USP53: variants seen among roughly 807,000 people sequenced by gnomAD.
The protein encoded by USP53 is ubiquitin carboxyl-terminal hydrolase 53.
USP53 carries 71 observed loss-of-function variants against 94.9 expected under a neutral mutation model. The ratio of observed to expected loss-of-function variants is 0.75; its 90% CI spans 0.62 to 0.91. USP53 has a LOEUF of 0.91. Among genes scored for constraint, USP53 ranks in the 40% least tolerant of loss-of-function variants. The pLI is 0.00. For synonymous variants in USP53, 375 were observed against 422.7 expected (o/e 0.89, Z 1.39); for missense variants, 1,173 against 1,281.0 (o/e 0.92, Z 1.29).
chr4:119,283,847 G>A (rs1753787023), intron 17 of USP53, among the ~76,000 whole-genome samples: 1 of 151,840 alleles, frequency 6.6e-6, no homozygotes, highest in South Asian at 2.1e-4. Context: ...TAAAACTCAG[G>A]AAATATTATA....
At chr4:119,224,558 C>T (rs1578413969) in intron 3 of USP53, among the ~76,000 whole-genome samples, 1 of 152,092 alleles carries the variant, frequency 6.6e-6, no homozygotes, top group Admixed American at 6.5e-5. Context: ...CTTTATAGAT[C>T]TGATTTAAAG....
chr4:119,278,104 A>G (rs1419682186), intron 17 of USP53, among the ~76,000 whole-genome samples: 2 of 150,672 alleles, frequency 1.3e-5, no homozygotes, highest in Admixed American at 1.3e-4. Context: ...ATTTACATTT[A>G]AAGTTACTAT....
chr4:119,265,046 GACT>G (rs1289457682), intron 12 of USP53, among the ~76,000 whole-genome samples: 1 of 152,144 alleles, frequency 6.6e-6, no homozygotes, highest in African/African-American at 2.4e-5. Context: ...AGATATAAAT[GACT>G]ACATGCTATG....
chr4:119,229,269 G>A (rs1006715473), intron 3 of USP53, among the ~76,000 whole-genome samples: 2 of 152,160 alleles, frequency 1.3e-5, no homozygotes, highest in African/African-American at 4.8e-5. Flanking sequence ...TAAACCTGGT[G>A]TTTCTGATAT....
Position 119,288,711 on chromosome 4 carries a change from C to T in USP53, c.2252-2454C>T, listed in dbSNP as rs534303214. Among the ~76,000 whole-genome samples the T allele has an allele frequency of 5.3e-5, 8 of 152,028 alleles. No individual in the cohort carries two copies. The South Asian group carries it at 6.2e-4, about 12-fold the overall frequency. ...CAGCACTTTGGGAGGCCGACGCTGGCGGATCACCTGAGGTTTGGAGTTCGA... is the reference window on the plus strand; with the variant it reads ...CAGCACTTTGGGAGGCCGACGCTGGTGGATCACCTGAGGTTTGGAGTTCGA... On this transcript the variant is annotated intron_variant, in intron 17 of 18. Transcript: ENST00000692078.
intron 3 of USP53, among the ~76,000 whole-genome samples, chr4:119,230,894 G>A (rs1745973798): frequency 6.6e-6 from 1 of 152,088 alleles, no homozygotes; most frequent in Non-Finnish European, 1.5e-5. Context: ...CCTGCAGGTA[G>A]GTCTAATTGG....
chr4:119,293,176 G>T lies in USP53; in HGVS notation c.3187G>T (p.Glu1063Ter). 1 of 1,608,124 alleles carries T rather than the reference G, an allele frequency of 6.2e-7. No homozygotes were observed. ...TCAGAGGCCCAAGCTCTCTTTTCCA[G>T]AGAGCAGTGGCTTTTGTAATAATTC... is the stretch of plus-strand genomic sequence containing the variant. ...YHQRPKLSFP[E>*]SSGFCNNSLS The change falls in exon 19 of 19, where the codon GAG becomes TAG. Residue 1063 changes from glutamate to a stop codon, truncating the protein, a stop_gained. Coordinates refer to ENST00000692078, the MANE Select transcript of USP53 (RefSeq NM_001371395.1). LOFTEE classifies it high-confidence loss of function.
chr4:119,239,659 A>T lies in USP53; in HGVS notation c.-101A>T. On this transcript the variant is annotated 5_prime_UTR_variant, in exon 5 of 19. Coordinates refer to ENST00000692078, the MANE Select transcript of USP53 (RefSeq NM_001371395.1). Reference sequence around the variant, plus strand: ...AACTTACATTATTAAAATAGACTGCAGTGGATTTAATTGGACAATTCAAGA... The same window carrying T: ...AACTTACATTATTAAAATAGACTGCTGTGGATTTAATTGGACAATTCAAGA... 1 of 1,312,702 alleles carries T rather than the reference A, an allele frequency of 7.6e-7. No individual in the cohort carries two copies. Among genetic ancestry groups the T allele is most frequent in the Non-Finnish European group, 1.0e-6 (1 of 967,966 alleles). The allele number at this position is 1,312,702 out of a possible 1,614,324, so 81.3% of individuals were successfully genotyped here. A position where few individuals can be genotyped will look rare whatever the true frequency, so the allele number is the denominator to read the frequency against.
At position 119,269,803 on chromosome 4, in the gene USP53, G is replaced by A; in HGVS notation, c.1401G>A (p.Glu467=). The change falls in exon 15 of 19, where the codon GAG becomes GAA. Residue 467 remains glutamate (E), a synonymous_variant. Coordinates refer to ENST00000692078, the MANE Select transcript of USP53 (RefSeq NM_001371395.1). ...TTTCTTCACAAAGGAAAGATTTAGA[G>A]AAGGGACAAAGAAAAGATTTAGGAC... is the stretch of plus-strand genomic sequence containing the variant. ...NLLSSQRKDL[E]KGQRKDLGRH... 1.3e-6 allele frequency: 2 copies of A among 1,515,802 alleles called. No homozygotes were observed. The highest frequency in any genetic ancestry group is 1.8e-6 in the Non-Finnish European group (2 of 1,133,182). 93.9% of individuals were successfully genotyped at this position (1,515,802 alleles called of 1,614,324 possible).
At chr4:119,273,100 G>A (rs1174798344) in intron 16 of USP53, 1 of 152,438 alleles carries the variant, frequency 6.6e-6, no homozygotes, top group African/African-American at 2.4e-5. Flanking sequence ...CTTGAGCCCA[G>A]GAGTTCAATA....
chr4:119,277,671 C>T (rs1036600887), intron 17 of USP53, among the ~76,000 whole-genome samples: 28 of 146,862 alleles, frequency 1.9e-4, no homozygotes, highest in Admixed American at 4.1e-4. Context: ...CTTTCTGTCT[C>T]GTTGATCTGT....
chr4:119,259,701 C>G (rs28374283), intron 9 of USP53, 119 bp from the exon 10 acceptor site: 31 of 621,158 alleles, frequency 5.0e-5, no homozygotes, highest in Non-Finnish European at 7.6e-5. Flanking sequence ...ATTTTTCAGT[C>G]ATGGTCATGT....
intron 2 of USP53, 132 bp from the exon 3 acceptor site, chr4:119,217,418 G>C (rs1016708296): frequency 6.6e-6 from 1 of 152,126 alleles, no homozygotes; most frequent in African/African-American, 2.4e-5. Context: ...CTATACTTTA[G>C]TGCCTAGGTT....
Position 119,260,639 on chromosome 4 carries a change from C to T in USP53, c.808C>T (p.Leu270Phe), listed in dbSNP as rs1561279719. The T allele has an allele frequency of 6.2e-7, 1 of 1,613,676 alleles. No individual in the cohort carries two copies. Residue 270 changes from leucine (L) to phenylalanine (F), a missense_variant, in exon 11 of 19, where the codon CTT (leucine) becomes TTT (phenylalanine). Physicochemically the swap from Leu to Phe is conservative, Grantham distance 22. Transcript: ENST00000692078. ...TGTTGTTCGGAATCTAGCAACACAT[C>T]TTTATCTTCCTGGGGTATCTTATCT... ...EAVVRNLATH[L>F]YLPGLFYRVT...
At position 119,293,603 on chromosome 4, in the gene USP53, A is replaced by G. The variant is rs1243095850; in HGVS notation, c.*392A>G. 3 of 162,358 alleles carry G rather than the reference A, an allele frequency of 1.8e-5. No individual in the cohort carries two copies. The highest frequency in any genetic ancestry group is 1.8e-4 in the East Asian group (1 of 5,576). 10.1% of individuals were successfully genotyped at this position (162,358 alleles called of 1,614,324 possible). The stretch of plus-strand genomic sequence containing the variant: ...GAATAAAAATTAAATTTGTCCCCCT[A>G]TTTTGTGGCCAGTAGACTGGGAAGT... On this transcript the variant is annotated 3_prime_UTR_variant, in exon 19 of 19. Transcript: ENST00000692078.
Position 119,260,210 on chromosome 4 carries a change from A to G in USP53, c.675+285A>G, listed in dbSNP as rs182312143. Reference sequence around the variant, plus strand: ...TTTCAGTAAACTTGATGAATGATGAATGATACTCTTTTCTCATCTAATATA... The same window carrying G: ...TTTCAGTAAACTTGATGAATGATGAGTGATACTCTTTTCTCATCTAATATA... On this transcript the variant is annotated intron_variant, in intron 10 of 18. Coordinates refer to ENST00000692078, the MANE Select transcript of USP53 (RefSeq NM_001371395.1). 2.4e-4 allele frequency among the ~76,000 whole-genome samples: 37 copies of G among 152,278 alleles called. No individual in the cohort carries two copies. The East Asian group carries it at 4.4e-3, about 18-fold the overall frequency.
At chr4:119,241,324 T>C (rs1747502601) in intron 5 of USP53, among the ~76,000 whole-genome samples, 4 of 152,180 alleles carry the variant, frequency 2.6e-5, no homozygotes. Flanking sequence ...CCATTTCTGG[T>C]GCTCATCACT....
At chr4:119,261,678 G>A (rs200834609) in intron 11 of USP53, 37 bp from the exon 12 acceptor site, 3 of 1,467,094 alleles carry the variant, frequency 2.0e-6, no homozygotes, top group East Asian at 2.4e-5. Context: ...TACAAAAGAT[G>A]TAGTGTTAAG....
At chr4:119,246,782 G>T (rs1044303412) in intron 6 of USP53, among the ~76,000 whole-genome samples, 1 of 152,100 alleles carries the variant, frequency 6.6e-6, no homozygotes, top group Admixed American at 6.6e-5. Context: ...GAAAATAGAA[G>T]GAAGACAAAG....
Sources: gnomAD v4.1 joint callset for allele counts (sites outside exome capture counted in the v4.1 genomes callset) on GRCh38, gnomAD v4.1.1 for gene constraint, MANE v1.5 for transcripts, NCBI Gene and HGNC (gene_info 2026-07-23, HGNC 2026-07-21) for gene names.